FAM81A: variants seen among roughly 807,000 people sequenced by gnomAD.
FAM81A encodes the protein family with sequence similarity 81 member A, also known as protein FAM81A.
A neutral mutation model predicts 46.7 loss-of-function variants in FAM81A; 19 were observed. The observed-to-expected ratio is 0.41, with a 90% confidence interval of 0.28 to 0.60. FAM81A has a LOEUF of 0.60. Ranked by LOEUF, FAM81A falls within the 20% of genes least tolerant of loss-of-function variation. FAM81A has a pLI of 0.34. For missense variants in FAM81A, 377 were observed against 453.5 expected, an observed-to-expected ratio of 0.83 and a Z score of 1.53; for synonymous variants, 183 against 152.9, an observed-to-expected ratio of 1.20 and a Z score of -1.45.
intron 4 of FAM81A, among the ~76,000 whole-genome samples, chr15:59,493,484 A>G (rs1596526323): frequency 2.0e-5 from 3 of 152,286 alleles, no homozygotes; most frequent in Admixed American, 2.0e-4. Flanking sequence ...TGTACCTTTC[A>G]GCAGTGATCA....
intron 1 of FAM81A, among the ~76,000 whole-genome samples, chr15:59,400,255 G>C (rs371904064): frequency 4.0e-4 from 59 of 147,750 alleles, no homozygotes; most frequent in African/African-American, 1.4e-3. Flanking sequence ...GAGCGAGAAA[G>C]TCAGGAGTCA....
intron 2 of FAM81A, chr15:59,402,441 A>G (rs1044648587): frequency 6.6e-6 from 1 of 152,378 alleles, no homozygotes; most frequent in Non-Finnish European, 1.5e-5. Context: ...CCTCATGCCC[A>G]TTATACTCAC....
intron 4 of FAM81A, among the ~76,000 whole-genome samples, chr15:59,497,198 A>G (rs1159238030): frequency 6.6e-6 from 1 of 152,022 alleles, no homozygotes; most frequent in Non-Finnish European, 1.5e-5. Context: ...CTGTAATCCC[A>G]GCACTTTGGG....
In FAM81A at chr15:59,431,022, A is replaced by T. The variant is rs890019348; in HGVS notation, c.-77-27528A>T. Among the ~76,000 whole-genome samples, 6 of 152,280 alleles carry T rather than the reference A, an allele frequency of 3.9e-5. No homozygotes were observed. In the South Asian group the frequency reaches 8.3e-4, roughly 21 times the overall value. On this transcript the variant is annotated intron_variant, in intron 2 of 4. Transcript: ENST00000558348. Reference sequence around the variant, plus strand: ...ATAATAAATAATATAAATAATAACTAAGATGTTATTCTAAGCTCTTTATAT... The same window carrying T: ...ATAATAAATAATATAAATAATAACTTAGATGTTATTCTAAGCTCTTTATAT...
intron 3 of FAM81A, among the ~76,000 whole-genome samples, chr15:59,465,078 C>T (rs1448167836): frequency 6.6e-6 from 1 of 152,134 alleles, no homozygotes; most frequent in Non-Finnish European, 1.5e-5. Flanking sequence ...TTGTCTTTCC[C>T]TCAATGAGTA....
In FAM81A at chr15:59,407,871, A is replaced by G. The variant is rs117189919; in HGVS notation, c.-78+5513A>G. The G allele has an allele frequency of 1.2e-3, 254 of 204,404 alleles. 4 individuals are homozygous for G. In the East Asian group the frequency reaches 0.034, roughly 27 times the overall value. The allele number at this position is 204,404 out of a possible 1,614,324, so 12.7% of individuals were successfully genotyped here. On this transcript the variant is annotated intron_variant, in intron 2 of 4. Coordinates refer to the FAM81A transcript ENST00000558348. Reference sequence around the variant, plus strand: ...ACTAGTGGGCCAGCTTATGTATTACAGTTGAGTAGCTCTTTGGGGGTCCAA... The same window carrying G: ...ACTAGTGGGCCAGCTTATGTATTACGGTTGAGTAGCTCTTTGGGGGTCCAA...
intron 2 of FAM81A, among the ~76,000 whole-genome samples, chr15:59,458,972 A>G (rs1264267408): frequency 6.6e-6 from 1 of 152,226 alleles, no homozygotes; most frequent in African/African-American, 2.4e-5. Context: ...TTGGCTCATG[A>G]AGTACATTGC....
Position 59,521,404 on chromosome 15 carries a change from G to A in FAM81A, c.*26G>A. 3.2e-6 allele frequency: 5 copies of A among 1,580,188 alleles called. No individual in the cohort carries two copies. The highest frequency in any genetic ancestry group is 4.3e-6 in the Non-Finnish European group (5 of 1,162,582). ...AGGGAGCTGGGACAAGGTCCTAAAA[G>A]ACAGTTTTGCCAGTGGGGCTAGGAG... On this transcript the variant is annotated 3_prime_UTR_variant, in exon 9 of 9. Transcript: ENST00000288228.
intron 1 of FAM81A, 76 bp from the exon 2 acceptor site, chr15:59,458,474 C>T (rs1419709538): frequency 2.1e-6 from 2 of 947,376 alleles, no homozygotes; most frequent in African/African-American, 3.3e-5. Flanking sequence ...ATCCACTTAG[C>T]AACTTAATAA....
chr15:59,449,270 CAAG>C (rs1168781237), intron 1 of FAM81A, among the ~76,000 whole-genome samples: 2 of 151,730 alleles, frequency 1.3e-5, no homozygotes, highest in Non-Finnish European at 2.9e-5. Flanking sequence ...TAAGTGGGGG[CAAG>C]AAGAAGTAAT....
At chr15:59,407,113 G>A (rs1157472187) in intron 2 of FAM81A, 1 of 156,400 alleles carries the variant, frequency 6.4e-6, no homozygotes, top group South Asian at 1.8e-4. Context: ...TCCTCCAGCT[G>A]AGCCGAAGCT....
chr15:59,480,599 C>T (rs951137971), intron 3 of FAM81A, among the ~76,000 whole-genome samples: 2 of 152,046 alleles, frequency 1.3e-5, no homozygotes, highest in Non-Finnish European at 2.9e-5. Flanking sequence ...ATTGTGTGCA[C>T]CTGGACAATG....
intron 3 of FAM81A, among the ~76,000 whole-genome samples, chr15:59,472,828 C>T (rs1303421393): frequency 2.0e-5 from 3 of 152,128 alleles, no homozygotes; most frequent in African/African-American, 7.2e-5. Context: ...GTGCAATGAC[C>T]TCAGAGGAAC....
At chr15:59,509,398 T>C (rs183784914) in intron 6 of FAM81A, among the ~76,000 whole-genome samples, 25 of 152,310 alleles carry the variant, frequency 1.6e-4, no homozygotes, top group African/African-American at 4.8e-4. Context: ...TCTAAACATC[T>C]TCATGTCCTA....
At chr15:59,521,181 C>G (rs536229138) in intron 8 of FAM81A, 73 bp from the exon 9 acceptor site, 2 of 1,522,312 alleles carry the variant, frequency 1.3e-6, no homozygotes, top group South Asian at 1.3e-5. Flanking sequence ...TCAACCATTA[C>G]TAGATACTAT....
chr15:59,494,525 C>T (rs796873898), intron 4 of FAM81A, among the ~76,000 whole-genome samples: 21 of 152,316 alleles, frequency 1.4e-4, no homozygotes, highest in African/African-American at 5.1e-4. Flanking sequence ...TTATATTCTT[C>T]AGTTTCTTAT....
chr15:59,502,104 AT>A (rs1285074369), intron 4 of FAM81A, among the ~76,000 whole-genome samples: 1 of 150,452 alleles, frequency 6.6e-6, no homozygotes, highest in Non-Finnish European at 1.5e-5. Flanking sequence ...CATGCATGTA[AT>A]TTTTTTCTGA....
rs56862038 is a variant in FAM81A, at chr15:59,450,103, C to CT, written c.-77-8431dup. ...ACACCCAGCTAATTTTTCTTTCTTT[C>CT]TTTTTTTTTTTTTTTTAATGTAAAT... On this transcript the variant is annotated intron_variant, in intron 1 of 8. Transcript: ENST00000288228. Among the ~76,000 whole-genome samples, 126 of 126,238 alleles carry CT rather than the reference C, an allele frequency of 1.0e-3. 2 individuals are homozygous for CT. The highest frequency in any genetic ancestry group is 1.4e-3 in the Admixed American group (17 of 11,804). 82.8% of individuals were successfully genotyped at this position (126,238 alleles called of 152,430 possible).
At chr15:59,503,459 A>C (rs151331318) in intron 4 of FAM81A, among the ~76,000 whole-genome samples, 1 of 152,098 alleles carries the variant, frequency 6.6e-6, no homozygotes, top group Admixed American at 6.6e-5. Flanking sequence ...ATTCTGCAAC[A>C]TAAGTTTTTC....
Sources: allele counts gnomAD v4.1 joint callset (sites outside exome capture counted in the v4.1 genomes callset), GRCh38; gene constraint gnomAD v4.1.1; transcripts MANE v1.5; gene names NCBI Gene and HGNC (gene_info 2026-07-23, HGNC 2026-07-21).